The following BORA variants were observed in gnomAD, a reference collection of about 807,000 sequenced individuals.
BORA encodes the protein protein aurora borealis.
Under a neutral mutation model 55.8 loss-of-function variants are expected in BORA, and 26 were observed. The ratio of observed to expected loss-of-function variants is 0.47; its 90% CI spans 0.34 to 0.65. The LOEUF is 0.65. BORA is among the 30% of genes least tolerant of loss of function. The pLI is 0.01. For missense variants in BORA, 568 were observed against 671.5 expected (o/e 0.85, Z 1.70); for synonymous variants, 201 against 216.9 (o/e 0.93, Z 0.64).
intron 3 of BORA, among the ~76,000 whole-genome samples, chr13:72,732,621 G>C (rs779113003): frequency 6.6e-6 from 1 of 152,098 alleles, no homozygotes; most frequent in Non-Finnish European, 1.5e-5. Flanking sequence ...AGGTTGCAGT[G>C]AGCTGAGATC....
intron 9 of BORA, 42 bp downstream of exon 9, chr13:72,746,118 A>G (rs1196426015): frequency 3.3e-6 from 5 of 1,515,328 alleles, no homozygotes; most frequent in Middle Eastern, 1.7e-4. Context: ...GTTTTATACT[A>G]TCAATATTTG....
At chr13:72,745,849 A>T in intron 8 of BORA, 95 bp from the exon 9 acceptor site, 6 of 1,089,000 alleles carry the variant, frequency 5.5e-6, no homozygotes, top group South Asian at 4.0e-5. Context: ...TTACTAGTTT[A>T]TAAGTGTGTT....
At chr13:72,742,767 TACACACACACAC>T (rs67866253) in intron 5 of BORA, among the ~76,000 whole-genome samples, 4,655 of 141,286 alleles carry the variant, frequency 0.033, 98 homozygotes, top group Non-Finnish European at 0.046. Flanking sequence ...TATATATATA[TACACACACACAC>T]ACACACACAC....
intron 2 of BORA, among the ~76,000 whole-genome samples, chr13:72,730,046 C>T (rs560955833): frequency 6.6e-6 from 1 of 151,944 alleles, no homozygotes; most frequent in East Asian, 1.9e-4. Flanking sequence ...GCACCCACTT[C>T]AGCCTCCCAA....
Position 72,746,064 on chromosome 13 carries a change from AC to A in BORA, c.860del (p.Thr287IlefsTer25). The A allele has an allele frequency of 6.2e-7, 1 of 1,610,168 alleles. No homozygotes were observed. The highest frequency in any genetic ancestry group is 8.5e-7 in the Non-Finnish European group (1 of 1,176,898). On this transcript the variant is annotated frameshift_variant, in exon 9 of 12. Coordinates refer to ENST00000390667, the MANE Select transcript of BORA (RefSeq NM_024808.5). LOFTEE classifies it high-confidence loss of function. The part of the protein sequence containing the change: ...FSPIEFQIGE[T>X]PLSEQRKFTV... ...ACCAATTGAATTTCAGATAGGAGAG[AC>A]TCCACTCTCAGGTATGTCTCATAAT...
At chr13:72,735,434 C>CT (rs1490147933) in intron 4 of BORA, among the ~76,000 whole-genome samples, 1 of 151,888 alleles carries the variant, frequency 6.6e-6, no homozygotes, top group Non-Finnish European at 1.5e-5. Context: ...ATGGCTTTGT[C>CT]TTTTTTTGTT....
intron 4 of BORA, among the ~76,000 whole-genome samples, chr13:72,737,360 G>C (rs181144276): frequency 2.0e-5 from 3 of 152,230 alleles, no homozygotes; most frequent in Admixed American, 1.3e-4. Flanking sequence ...TTATATGTAG[G>C]AATTCCACCA....
At chr13:72,743,818 G>A (rs1007405329) in intron 6 of BORA, among the ~76,000 whole-genome samples, 17 of 151,320 alleles carry the variant, frequency 1.1e-4, no homozygotes, top group South Asian at 6.3e-4. Context: ...TTGACTTCCC[G>A]TTGACTTCCC....
chr13:72,737,568 G>A (rs2032953648), intron 4 of BORA, among the ~76,000 whole-genome samples: 1 of 152,018 alleles, frequency 6.6e-6, no homozygotes, highest in South Asian at 2.1e-4. Flanking sequence ...ATCAGATCTT[G>A]AGAGCCAGAA....
At chr13:72,743,471 A>G in intron 5 of BORA, 66 bp from the exon 6 acceptor site, 1 of 1,188,146 alleles carries the variant, frequency 8.4e-7, no homozygotes, top group South Asian at 1.7e-5. Flanking sequence ...TTTACTTTGG[A>G]AAAAGTAATG....
chr13:72,746,593 G>A lies in BORA; in HGVS notation c.964G>A (p.Asp322Asn), dbSNP rs1292104315. The change falls in exon 10 of 12, where the codon GAT becomes AAT. Residue 322 changes from aspartate to asparagine, a missense_variant. By Grantham distance (23) the Asp-to-Asn change is conservative (BLOSUM62 1). Transcript: ENST00000390667. ...TNPCIRSPYI[D>N]GCSPIKNWSP... ...TCCGTGTATCAGAAGTCCTTATATA[G>A]ATGGCTGCTCGCCAATTAAAAATTG... 1.2e-6 allele frequency: 2 copies of A among 1,614,062 alleles called. No individual in the cohort carries two copies. Among genetic ancestry groups the A allele is most frequent in the Admixed American group, 1.7e-5 (1 of 60,008 alleles).
At chr13:72,749,596 A>G (rs772283142) in intron 10 of BORA, among the ~76,000 whole-genome samples, 12 of 151,636 alleles carry the variant, frequency 7.9e-5, no homozygotes, top group Non-Finnish European at 1.5e-4. Flanking sequence ...TTTATTTTCT[A>G]CACTTTTGAA....
chr13:72,753,928 C>T (rs576708903), intron 11 of BORA, 107 bp downstream of exon 11: 3 of 1,145,850 alleles, frequency 2.6e-6, no homozygotes, highest in East Asian at 2.6e-5. Context: ...AAATTTAAAA[C>T]ACTAAAAGGT....
intron 9 of BORA, 97 bp from the exon 10 acceptor site, chr13:72,746,404 C>T (rs1566226619): frequency 1.5e-6 from 2 of 1,349,526 alleles, no homozygotes; most frequent in South Asian, 1.4e-5. Context: ...TACAGAAATG[C>T]AGTTTTTCCT....
intron 1 of BORA, 90 bp downstream of exon 1, chr13:72,728,097 C>T: frequency 6.6e-7 from 1 of 1,518,890 alleles, no homozygotes; most frequent in Non-Finnish European, 8.9e-7. Context: ...GCCCGCTCGC[C>T]CCTGGTGAAT....
chr13:72,746,200 G>A, intron 9 of BORA, 124 bp downstream of exon 9: 1 of 977,352 alleles, frequency 1.0e-6, no homozygotes, highest in Non-Finnish European at 1.5e-6. Flanking sequence ...TAACATTTAG[G>A]AACTTTGATT....
rs553844519 is a variant in BORA, at chr13:72,753,825, C to T, written c.1614+4C>T. On this transcript the variant is annotated splice_donor_region_variant and intron_variant, in intron 11 of 11. Transcript: ENST00000390667. ...ATCTCAAGCATTTAATATGAAGGTA[C>T]GGAGAAAATATAGTGAAAGCTTAAT... is the stretch of plus-strand genomic sequence containing the variant. The T allele has an allele frequency of 6.5e-5, 105 of 1,608,878 alleles. No homozygotes were observed. Among genetic ancestry groups the T allele is most frequent in the Admixed American group, 2.7e-4 (16 of 59,830 alleles).
chr13:72,746,039 A>C lies in BORA; in HGVS notation c.834A>C (p.Ser278=), dbSNP rs767359901. The change falls in exon 9 of 12, where the codon TCA becomes TCC. Residue 278 remains serine, a synonymous_variant. Transcript: ENST00000390667. The part of the protein sequence containing the change: ...SPSPISSPTF[S]PIEFQIGETP... ...CGCCTATTTCTTCACCCACTTTCTC[A>C]CCAATTGAATTTCAGATAGGAGAGA... The C allele has an allele frequency of 2.7e-5, 43 of 1,612,320 alleles. No individual in the cohort carries two copies. The highest frequency in any genetic ancestry group is 3.3e-5 in the Admixed American group (2 of 59,984).
chr13:72,733,319 T>C (rs535776263), intron 3 of BORA, among the ~76,000 whole-genome samples: 4 of 152,340 alleles, frequency 2.6e-5, no homozygotes, highest in Admixed American at 2.0e-4. Flanking sequence ...GTCTTGGCCA[T>C]GTAGGTGACC....
Sources: gnomAD v4.1 joint callset for allele counts (sites outside exome capture counted in the v4.1 genomes callset) on GRCh38, gnomAD v4.1.1 for gene constraint, MANE v1.5 for transcripts, NCBI Gene and HGNC (gene_info 2026-07-23, HGNC 2026-07-21) for gene names.